ANTXR2: variants seen among roughly 807,000 people sequenced by gnomAD.
ANTXR2 encodes ANTXR cell adhesion molecule 2, also known as anthrax toxin receptor 2.
A neutral mutation model predicts 73.7 loss-of-function variants in ANTXR2; 44 were observed. The observed-to-expected ratio is 0.60, with a 90% CI of 0.47 to 0.77. The LOEUF is 0.77. Among genes scored for constraint, ANTXR2 ranks in the 30% least tolerant of loss-of-function variants. The pLI, the probability that ANTXR2 is intolerant of heterozygous loss-of-function variation, is 0.00. For synonymous variants in ANTXR2, 217 were observed against 205.9 expected, an observed-to-expected ratio of 1.05 and a Z score of -0.46; for missense variants, 604 against 592.5, an observed-to-expected ratio of 1.02 and a Z score of -0.20.
rs1560426316 is a variant in ANTXR2 at position 80,055,437 on chromosome 4, A to G, written c.409T>C (p.Leu137=). ...ANEQIQKAGG[L]KTSSIIIALT... ...GCAATTATGATACTGGAGGTTTTCA[A>G]GCCTCCTGCTTTCTGAATTTGTTCA... is the stretch of plus-strand genomic sequence containing the variant. Residue 137 remains leucine, a synonymous_variant, in exon 5 of 17, where the codon TTG becomes CTG. Coordinates refer to ENST00000403729, the MANE Select transcript of ANTXR2 (RefSeq NM_058172.6). The G allele has an allele frequency of 6.2e-7, 1 of 1,610,788 alleles. No homozygotes were observed. The highest frequency in any genetic ancestry group is 1.1e-5 in the South Asian group (1 of 90,808).
At chr4:79,963,150 C>T (rs1729208422) in intron 16 of ANTXR2, among the ~76,000 whole-genome samples, 2 of 152,050 alleles carry the variant, frequency 1.3e-5, no homozygotes, top group Admixed American at 6.5e-5. Context: ...CAAAGCCATC[C>T]TTGAGAAGGT....
intron 16 of ANTXR2, among the ~76,000 whole-genome samples, chr4:79,934,481 C>G (rs1206015374): frequency 6.6e-6 from 1 of 151,478 alleles, no homozygotes; most frequent in Non-Finnish European, 1.5e-5. Context: ...GAGCCAAGAT[C>G]ATGCCACTAT....
In ANTXR2 at chr4:80,072,500, G is replaced by C; in HGVS notation, c.61C>G (p.Leu21Val). Reference protein sequence around the residue: ...PGSWLFPGLWLLVLSGPGGLL... With the variant: ...PGSWLFPGLWVLVLSGPGGLL... ...CCCCCGGGACCGCTGAGCACCAACAGCCACAGCCCGGGGAACAGCCAGCTC... is the reference window on the plus strand; with the variant it reads ...CCCCCGGGACCGCTGAGCACCAACACCCACAGCCCGGGGAACAGCCAGCTC... The change falls in exon 1 of 17, where the codon CTG (leucine) becomes GTG (valine). Residue 21 changes from leucine to valine, a missense_variant. Transcript: ENST00000403729. The C allele has an allele frequency of 6.2e-7, 1 of 1,607,354 alleles. No homozygotes were observed. Among genetic ancestry groups the C allele is most frequent in the Non-Finnish European group, 8.5e-7 (1 of 1,177,496 alleles).
chr4:79,947,027 T>C (rs1397548164), intron 16 of ANTXR2, among the ~76,000 whole-genome samples: 1 of 152,190 alleles, frequency 6.6e-6, no homozygotes, highest in African/African-American at 2.4e-5. Context: ...AGCTACCTGC[T>C]TCTTTTGGCC....
At chr4:80,071,143 G>A (rs967760652) in intron 2 of ANTXR2, among the ~76,000 whole-genome samples, 11 of 152,256 alleles carry the variant, frequency 7.2e-5, no homozygotes, top group Middle Eastern at 3.4e-3. Context: ...TTCTGGTAGC[G>A]GGTTATTAAC....
chr4:79,936,797 A>C (rs1369398839), intron 16 of ANTXR2, among the ~76,000 whole-genome samples: 1 of 152,140 alleles, frequency 6.6e-6, no homozygotes, highest in Admixed American at 6.5e-5. Flanking sequence ...GGTTATAATC[A>C]CCTTTTTTGT....
intron 16 of ANTXR2, among the ~76,000 whole-genome samples, chr4:79,915,768 G>C (rs1384419069): frequency 6.6e-6 from 1 of 150,982 alleles, no homozygotes; most frequent in Non-Finnish European, 1.5e-5. Flanking sequence ...CAGAACTGAA[G>C]AAAAGGCATG....
intron 16 of ANTXR2, among the ~76,000 whole-genome samples, chr4:79,923,322 TTGTAA>T (rs1488026910): frequency 1.3e-5 from 2 of 152,114 alleles, no homozygotes; most frequent in Non-Finnish European, 2.9e-5. Context: ...GCTAACTGAC[TTGTAA>T]GGAAACAATA....
chr4:79,964,670 G>C (rs1729282489), intron 16 of ANTXR2: 1 of 152,272 alleles, frequency 6.6e-6, no homozygotes, highest in Non-Finnish European at 1.5e-5. Context: ...CCTACCTTTG[G>C]TGTTTCAGGC....
Position 80,035,995 on chromosome 4 carries a change from T to C in ANTXR2, c.674A>G (p.Gln225Arg). 3 of 1,537,470 alleles carry C rather than the reference T, an allele frequency of 2.0e-6. No homozygotes were observed. Among genetic ancestry groups the C allele is most frequent in the Non-Finnish European group, 2.6e-6 (3 of 1,144,380 alleles). Residue 225 changes from glutamine to arginine, a missense_variant, in exon 8 of 17, where the codon CAG (glutamine) becomes CGG (arginine). Coordinates refer to ENST00000403729, the MANE Select transcript of ANTXR2 (RefSeq NM_058172.6). Reference protein sequence around the residue: ...AQSCTEILELQPSSVCVGEEF... With the variant: ...AQSCTEILELRPSSVCVGEEF... ...ACCCCCCACACAGACACTTGAGGGCTGCAATTCTAGGATTTCAGTACATGA... is the reference window on the plus strand; with the variant it reads ...ACCCCCCACACAGACACTTGAGGGCCGCAATTCTAGGATTTCAGTACATGA...
chr4:79,965,653 T>C (rs919845138), intron 16 of ANTXR2, among the ~76,000 whole-genome samples: 6 of 152,116 alleles, frequency 3.9e-5, no homozygotes, highest in African/African-American at 1.2e-4. Flanking sequence ...AAAATAAAAT[T>C]ATTTGCAAGA....
chr4:79,954,566 A>G (rs561032409), intron 16 of ANTXR2, among the ~76,000 whole-genome samples: 12 of 152,246 alleles, frequency 7.9e-5, no homozygotes, highest in African/African-American at 2.6e-4. Flanking sequence ...GCCTTGTGCA[A>G]TGTGCCACTG....
intron 5 of ANTXR2, 34 bp downstream of exon 5, chr4:80,055,326 G>A (rs1394057239): frequency 1.3e-6 from 2 of 1,574,038 alleles, no homozygotes; most frequent in Non-Finnish European, 1.7e-6. Flanking sequence ...GATGTACAGT[G>A]GGGTGTAGAG....
intron 10 of ANTXR2, among the ~76,000 whole-genome samples, chr4:80,020,305 G>A (rs1732096571): frequency 6.6e-6 from 1 of 152,082 alleles, no homozygotes; most frequent in African/African-American, 2.4e-5. Flanking sequence ...AGGATCGCTT[G>A]AGCCTGGGAG....
At chr4:79,918,013 T>C (rs919104532) in intron 16 of ANTXR2, among the ~76,000 whole-genome samples, 2 of 151,868 alleles carry the variant, frequency 1.3e-5, no homozygotes, top group Non-Finnish European at 2.9e-5. Flanking sequence ...ATGGAAACTA[T>C]AAATAAGAAA....
intron 11 of ANTXR2, among the ~76,000 whole-genome samples, chr4:80,017,685 A>C (rs1731939752): frequency 6.6e-6 from 1 of 152,186 alleles, no homozygotes. Flanking sequence ...AATAGGAAGA[A>C]GGATGAGGAA....
intron 16 of ANTXR2, among the ~76,000 whole-genome samples, chr4:79,909,215 C>A (rs987000765): frequency 6.6e-6 from 1 of 152,024 alleles, no homozygotes; most frequent in African/African-American, 2.4e-5. Context: ...TATTTGTAGA[C>A]CAAAAAGTAA....
rs141543457 is a variant in ANTXR2 at position 80,027,440 on chromosome 4, T to C, written c.866+4183A>G. Among the ~76,000 whole-genome samples, 240 of 152,314 alleles carry C rather than the reference T, an allele frequency of 1.6e-3. 3 individuals carry two copies. The highest frequency in any genetic ancestry group is 0.015 in the East Asian group (76 of 5,182). The stretch of plus-strand genomic sequence containing the variant: ...AATTCTGCCACACTGTTCATCTCAA[T>C]GATCCTTCAGTTTTCCTTGAAATTT... On this transcript the variant is annotated intron_variant, in intron 10 of 16. Coordinates refer to ENST00000403729, the MANE Select transcript of ANTXR2 (RefSeq NM_058172.6).
chr4:80,050,064 T>A (rs1218256261), intron 7 of ANTXR2, among the ~76,000 whole-genome samples: 2 of 151,732 alleles, frequency 1.3e-5, no homozygotes, highest in Non-Finnish European at 2.9e-5. Context: ...GAATAATCCC[T>A]AAGGAACTAT....
Sources: allele counts gnomAD v4.1 joint callset (sites outside exome capture counted in the v4.1 genomes callset), GRCh38; gene constraint gnomAD v4.1.1; transcripts MANE v1.5; gene names NCBI Gene and HGNC (gene_info 2026-07-23, HGNC 2026-07-21).